Variants in SLCO1A2 observed in about 807,000 individuals in gnomAD.
SLCO1A2 encodes OATP-1.
Under a neutral mutation model 69.0 loss-of-function variants are expected in SLCO1A2, and 67 were observed. The ratio of observed to expected loss-of-function variants is 0.97; its 90% CI spans 0.80 to 1.19. SLCO1A2 has a LOEUF of 1.19. Among genes scored for constraint, SLCO1A2 ranks in the 50% most tolerant of loss-of-function variants. The pLI is 0.00. For synonymous variants in SLCO1A2, 260 were observed against 265.9 expected, an observed-to-expected ratio of 0.98 and a Z score of 0.22; for missense variants, 787 against 793.7, an observed-to-expected ratio of 0.99 and a Z score of 0.10.
intron 1 of SLCO1A2, chr12:21,379,759 T>A (rs988449106): frequency 3.9e-5 from 6 of 152,128 alleles, no homozygotes; most frequent in Admixed American, 6.5e-5. Context: ...ATAGAAAAAA[T>A]AAGCATTTCA....
At chr12:21,295,113 T>C (rs1334114438) in intron 10 of SLCO1A2, 1 of 152,238 alleles carries the variant, frequency 6.6e-6, no homozygotes, top group African/African-American at 2.4e-5. Context: ...CATAGCAATA[T>C]AAATGAAATA....
Position 21,401,886 on chromosome 12 carries a change from T to C in SLCO1A2, c.-312+15996A>G, listed in dbSNP as rs181704725. 2.6e-5 allele frequency among the ~76,000 whole-genome samples: 4 copies of C among 151,568 alleles called. No homozygotes were observed. In the East Asian group the frequency reaches 7.7e-4, roughly 29 times the overall value. ...GAAAATGTATTATATGATAAACACT[T>C]CAGCAGAAATATACATATACATAAT... On this transcript the variant is annotated intron_variant, in intron 1 of 4. Transcript: ENST00000413682.
chr12:21,310,412 G>A (rs1949967467), intron 4 of SLCO1A2, among the ~76,000 whole-genome samples: 1 of 152,240 alleles, frequency 6.6e-6, no homozygotes, highest in Non-Finnish European at 1.5e-5. Flanking sequence ...TGAGCCTTCA[G>A]CGAGTCATCA....
chr12:21,318,053 T>C (rs1951100885), intron 3 of SLCO1A2, among the ~76,000 whole-genome samples: 1 of 152,076 alleles, frequency 6.6e-6, no homozygotes. Context: ...AGAAAAATAT[T>C]TGCATTTTCA....
chr12:21,299,811 CACACACACATAT>C (rs1565482336), intron 8 of SLCO1A2, among the ~76,000 whole-genome samples: 14 of 110,992 alleles, frequency 1.3e-4, no homozygotes, highest in African/African-American at 5.5e-4. Flanking sequence ...TATATATATA[CACACACACATAT>C]ACACACACAT....
In SLCO1A2 at chr12:21,314,635, C is replaced by T. The variant is rs1355970465; in HGVS notation, c.249G>A (p.Leu83=). Residue 83 remains leucine (L), a synonymous_variant, in exon 4 of 15, where the codon CTG becomes CTA. Coordinates refer to ENST00000683939, the MANE Select transcript of SLCO1A2 (RefSeq NM_001386879.1). ...CAATGCCAATCATTATAGGTCTATG[C>T]AGTTTGGTTCCAAAATAACTCACAA... ...IIFVSYFGTK[L]HRPIMIGIGC... is the part of the protein sequence containing the mutation. 5 of 1,611,886 alleles carry T rather than the reference C, an allele frequency of 3.1e-6. No individual in the cohort carries two copies. The highest frequency in any genetic ancestry group is 4.2e-6 in the Non-Finnish European group (5 of 1,178,112).
At chr12:21,350,242 T>C (rs957444104) in intron 2 of SLCO1A2, among the ~76,000 whole-genome samples, 1 of 151,802 alleles carries the variant, frequency 6.6e-6, no homozygotes, top group Non-Finnish European at 1.5e-5. Context: ...TATAAAGTCT[T>C]AAGTTATTCT....
rs1942078998 is a variant in SLCO1A2 at position 21,266,509 on chromosome 12, T to C, written c.*3039A>G. ...TAGGAGGAGTAGTATTTTTTCAATG[T>C]AGATAAATAATATTTATTTCATAAT... On this transcript the variant is annotated 3_prime_UTR_variant, in exon 15 of 15. Coordinates refer to ENST00000683939, the MANE Select transcript of SLCO1A2 (RefSeq NM_001386879.1). 2 of 152,086 alleles carry C rather than the reference T, an allele frequency of 1.3e-5. No individual in the cohort carries two copies. Among genetic ancestry groups the C allele is most frequent in the Non-Finnish European group, 2.9e-5 (2 of 68,004 alleles). 9.4% of individuals were successfully genotyped at this position (152,086 alleles called of 1,614,324 possible).
intron 1 of SLCO1A2, chr12:21,376,333 C>T: frequency 2.8e-6 from 1 of 356,368 alleles, no homozygotes. Flanking sequence ...ATGTTTGGAC[C>T]AAATTCCAAT....
chr12:21,271,615 T>TATG (rs1942857484), intron 14 of SLCO1A2, among the ~76,000 whole-genome samples: 1 of 149,078 alleles, frequency 6.7e-6, no homozygotes, highest in East Asian at 2.0e-4. Flanking sequence ...TTATACATAT[T>TATG]ATGTTTTAAA....
chr12:21,327,009 T>A (rs1267594626), intron 2 of SLCO1A2, among the ~76,000 whole-genome samples: 1 of 151,982 alleles, frequency 6.6e-6, no homozygotes, highest in African/African-American at 2.4e-5. Flanking sequence ...GTCAGAAGTC[T>A]CCACAGTAGC....
chr12:21,270,079 T>C (rs1942532024), intron 14 of SLCO1A2, among the ~76,000 whole-genome samples: 1 of 151,892 alleles, frequency 6.6e-6, no homozygotes, highest in African/African-American at 2.4e-5. Context: ...CTGGTAGTGA[T>C]AGCAGTTTTA....
At position 21,306,921 on chromosome 12, in the gene SLCO1A2, T is replaced by A. The variant is rs373952728; in HGVS notation, c.403A>T (p.Asn135Tyr). The A allele has an allele frequency of 3.3e-5, 54 of 1,613,804 alleles. No homozygotes were observed. Among genetic ancestry groups the A allele is most frequent in the Non-Finnish European group, 4.1e-5 (48 of 1,179,880 alleles). The stretch of plus-strand genomic sequence containing the variant: ...GTTGGTCTTAAAATCTGGGTTCCAT[T>A]TTCCATACACAAGAAACTGTTTGAG... ...LSSNSFLCME[N>Y]GTQILRPTQD... The change falls in exon 5 of 15, where the codon AAT becomes TAT. Residue 135 changes from asparagine (N) to tyrosine (Y), a missense_variant. Transcript: ENST00000683939.
chr12:21,322,007 G>A (rs1951693822), intron 2 of SLCO1A2, among the ~76,000 whole-genome samples: 1 of 152,162 alleles, frequency 6.6e-6, no homozygotes, highest in Non-Finnish European at 1.5e-5. Flanking sequence ...CTGACAAATA[G>A]CAGGCACCCA....
chr12:21,384,355 A>C (rs755528783), intron 1 of SLCO1A2, among the ~76,000 whole-genome samples: 3 of 152,228 alleles, frequency 2.0e-5, no homozygotes, highest in Non-Finnish European at 4.4e-5. Context: ...CCCTGCTCCA[A>C]TAACAAAATG....
intron 1 of SLCO1A2, among the ~76,000 whole-genome samples, chr12:21,410,020 A>G (rs1941882091): frequency 6.6e-6 from 1 of 152,146 alleles, no homozygotes. Context: ...GGCTCTCAGG[A>G]GCATAACATT....
At chr12:21,289,557 A>G (rs1392448184) in intron 12 of SLCO1A2, among the ~76,000 whole-genome samples, 1 of 152,248 alleles carries the variant, frequency 6.6e-6, no homozygotes, top group African/African-American at 2.4e-5. Flanking sequence ...TGAGCTTCTG[A>G]GTTGGTAAAC....
chr12:21,393,374 T>C lies in SLCO1A2; in HGVS notation c.-190+1532A>G, dbSNP rs138392377. Among the ~76,000 whole-genome samples, 1,054 of 152,270 alleles carry C rather than the reference T, an allele frequency of 6.9e-3. 11 individuals are homozygous for C. Among genetic ancestry groups the C allele is most frequent in the African/African-American group, 0.021 (862 of 41,550 alleles). Reference sequence around the variant, plus strand: ...TCCTTTATTTAAGATTAATTACTCCTGTTCAGAGAATGATATACACTGATT... The same window carrying C: ...TCCTTTATTTAAGATTAATTACTCCCGTTCAGAGAATGATATACACTGATT... On this transcript the variant is annotated intron_variant, in intron 1 of 15. Transcript: ENST00000307378.
chr12:21,293,079 C>A (rs867286621), intron 11 of SLCO1A2, among the ~76,000 whole-genome samples: 2 of 152,118 alleles, frequency 1.3e-5, no homozygotes, highest in East Asian at 1.9e-4. Flanking sequence ...CCAAGGCAGG[C>A]GGATCACAAG....
Sources: allele counts gnomAD v4.1 joint callset (sites outside exome capture counted in the v4.1 genomes callset), GRCh38; gene constraint gnomAD v4.1.1; transcripts MANE v1.5; gene names NCBI Gene and HGNC (gene_info 2026-07-23, HGNC 2026-07-21).